The following WAPL variants were observed in gnomAD, a reference collection of about 807,000 sequenced individuals.
WAPL encodes the protein wings apart-like protein homolog.
Under a neutral mutation model 121.0 loss-of-function variants are expected in WAPL, and 5 were observed. The ratio of observed to expected loss-of-function variants is 0.04; its 90% CI spans 0.02 to 0.09. The LOEUF (loss-of-function observed/expected upper bound fraction) is 0.09. Ranked by LOEUF, WAPL falls within the 10% of genes least tolerant of loss-of-function variation. The pLI is 1.00. For missense variants in WAPL, 999 were observed against 1,410.8 expected, an observed-to-expected ratio of 0.71 and a Z score of 4.68; for synonymous variants, 480 against 481.5, an observed-to-expected ratio of 1.00 and a Z score of 0.04.
At chr10:86,461,012 C>T (rs962686075) in intron 10 of WAPL, among the ~76,000 whole-genome samples, 164 bp downstream of exon 10, 2 of 152,088 alleles carry the variant, frequency 1.3e-5, no homozygotes, top group Non-Finnish European at 2.9e-5. Flanking sequence ...CGTGCCCGGC[C>T]GGCCTCTTCT....
chr10:86,453,900 T>C, intron 12 of WAPL, 69 bp from the exon 13 acceptor site: 1 of 1,269,530 alleles, frequency 7.9e-7, no homozygotes, highest in Non-Finnish European at 1.0e-6. Flanking sequence ...TTCTATTTAC[T>C]TGAACCTAAA....
intron 2 of WAPL, among the ~76,000 whole-genome samples, chr10:86,516,263 G>C (rs919931994): frequency 3.3e-5 from 5 of 152,142 alleles, no homozygotes; most frequent in African/African-American, 1.2e-4. Flanking sequence ...AGCCAAATTA[G>C]AATTAACCCT....
In WAPL at chr10:86,521,512, TAGGA is replaced by T. The variant is rs1842677521; in HGVS notation, c.-174_-171del. On this transcript the variant is annotated 5_prime_UTR_variant, in exon 1 of 19. Coordinates refer to ENST00000298767, the MANE Select transcript of WAPL (RefSeq NM_015045.5). ...GGCGAGGGACTCTGCTTTCGGTAAATAGGAAGCCCGGTTGGGGGGGCAGGAGCGG... is the reference window on the plus strand; with the variant it reads ...GGCGAGGGACTCTGCTTTCGGTAAATAGCCCGGTTGGGGGGGCAGGAGCGG... The T allele has an allele frequency of 2.8e-6, 1 of 359,188 alleles. No homozygotes were observed. The highest frequency in any genetic ancestry group is 5.5e-6 in the Non-Finnish European group (1 of 181,868). 22.3% of individuals were successfully genotyped at this position (359,188 alleles called of 1,614,324 possible). A position where few individuals can be genotyped will look rare whatever the true frequency, so the allele number is the denominator to read the frequency against.
At position 86,443,344 on chromosome 10, in the gene WAPL, T is replaced by A; in HGVS notation, c.3342A>T (p.Lys1114Asn). ...AGGCCACAATGCAATCCTCCATGTGTTTGCCGGCATGCTGAAGGGCTGAGA... is the reference window on the plus strand; with the variant it reads ...AGGCCACAATGCAATCCTCCATGTGATTGCCGGCATGCTGAAGGGCTGAGA... ...DLNKALQHAG[K>N]HMEDCIVASY... The change falls in exon 17 of 19, where the codon AAA (lysine) becomes AAT (asparagine). Residue 1114 changes from lysine (K) to asparagine (N), a missense_variant. By Grantham distance (94) the Lys-to-Asn change is moderately conservative. Around this residue, in one of 7 missense-constraint regions of WAPL, gnomAD observed 126 missense variants for 144.0 expected, o/e 0.87. Coordinates refer to ENST00000298767, the MANE Select transcript of WAPL (RefSeq NM_015045.5). 1 of 1,614,060 alleles carries A rather than the reference T, an allele frequency of 6.2e-7. No individual in the cohort carries two copies. The highest frequency in any genetic ancestry group is 1.1e-5 in the South Asian group (1 of 91,056).
At chr10:86,463,024 A>C (rs945370459) in intron 9 of WAPL, among the ~76,000 whole-genome samples, 1 of 152,248 alleles carries the variant, frequency 6.6e-6, no homozygotes, top group Non-Finnish European at 1.5e-5. Context: ...TTTAGGCTAT[A>C]GTCAGTATAC....
At chr10:86,508,342 T>C (rs1345555062) in intron 2 of WAPL, among the ~76,000 whole-genome samples, 1 of 152,176 alleles carries the variant, frequency 6.6e-6, no homozygotes, top group Non-Finnish European at 1.5e-5. Flanking sequence ...TAAGCTCATC[T>C]TTTTACTCAA....
rs138926887 is a variant in WAPL, at chr10:86,516,718, G to A, written c.499+853C>T. ...TACAGAAGACAGAACAAAATATATC[G>A]TTTTAGGAGAGAATACTAGATGCTA... On this transcript the variant is annotated intron_variant, in intron 2 of 18. Coordinates refer to ENST00000298767, the MANE Select transcript of WAPL (RefSeq NM_015045.5). 3.4e-3 allele frequency among the ~76,000 whole-genome samples: 511 copies of A among 151,936 alleles called. 2 individuals carry two copies. The highest frequency in any genetic ancestry group is 0.012 in the African/African-American group (487 of 41,402).
chr10:86,478,353 G>A (rs191016753), intron 4 of WAPL, among the ~76,000 whole-genome samples: 15 of 151,850 alleles, frequency 9.9e-5, no homozygotes, highest in Middle Eastern at 3.4e-3. Flanking sequence ...CACCTCCTGA[G>A]TCCAGGAAGT....
At chr10:86,449,676 T>C (rs1404293791) in intron 15 of WAPL, among the ~76,000 whole-genome samples, 1 of 152,236 alleles carries the variant, frequency 6.6e-6, no homozygotes, top group Non-Finnish European at 1.5e-5. Context: ...TGCAGATCTA[T>C]CATCTGTGCC....
intron 16 of WAPL, among the ~76,000 whole-genome samples, chr10:86,445,026 A>C (rs1849571783): frequency 6.6e-6 from 1 of 152,128 alleles, no homozygotes; most frequent in Non-Finnish European, 1.5e-5. Context: ...AAAGGCTCAG[A>C]ACGAGACGTT....
chr10:86,500,700 G>T lies in WAPL; in HGVS notation c.543C>A (p.His181Gln). The change falls in exon 3 of 19, where the codon CAC becomes CAA. Residue 181 changes from histidine (H) to glutamine (Q), a missense_variant. His to Gln is a conservative substitution (Grantham distance 24). This residue lies in a region of WAPL where 531 missense variants were observed against 563.1 expected (regional missense o/e 0.94). Transcript: ENST00000298767. ...TGTCATCAGCATTTTTGTGAATATG[G>T]TGACTATTCTTTTCATGTTCTTCAT... ...NFHEEHEKNS[H>Q]HIHKNADDST... 2.5e-6 allele frequency: 4 copies of T among 1,585,980 alleles called. No homozygotes were observed. The highest frequency in any genetic ancestry group is 1.7e-4 in the Middle Eastern group (1 of 5,932).
chr10:86,461,065 T>C (rs1841260665), intron 10 of WAPL, 111 bp downstream of exon 10: 1 of 885,014 alleles, frequency 1.1e-6, no homozygotes. Flanking sequence ...AAAATAATAA[T>C]GATAATAGAC....
rs557388827 is a variant in WAPL at position 86,435,392 on chromosome 10, A to G, written c.*2151T>C. 2 of 152,768 alleles carry G rather than the reference A, an allele frequency of 1.3e-5. No individual in the cohort carries two copies. The highest frequency in any genetic ancestry group is 4.1e-4 in the South Asian group (2 of 4,830). The allele number at this position is 152,768 out of a possible 1,614,324, so 9.5% of individuals were successfully genotyped here. A position where few individuals can be genotyped will look rare whatever the true frequency, so the allele number is the denominator to read the frequency against. On this transcript the variant is annotated 3_prime_UTR_variant, in exon 19 of 19. Transcript: ENST00000298767. Reference sequence around the variant, plus strand: ...AGATCACAGCTGAGAAATACTGTATAAAATAAAAATAGGATTGGATTCAGA... The same window carrying G: ...AGATCACAGCTGAGAAATACTGTATGAAATAAAAATAGGATTGGATTCAGA...
chr10:86,507,242 C>A (rs1842369326), intron 2 of WAPL, among the ~76,000 whole-genome samples: 1 of 151,048 alleles, frequency 6.6e-6, no homozygotes, highest in South Asian at 2.1e-4. Context: ...GTGACAGGCG[C>A]CTATAATCCC....
chr10:86,491,163 G>A lies in WAPL; in HGVS notation c.1644+6038C>T, dbSNP rs574968040. ...TTTTTTTTTTTTTTTTTTTTAAGAC[G>A]GAGTCTCGCTCTGTTGCCCAGGCTG... is the stretch of plus-strand genomic sequence containing the variant. On this transcript the variant is annotated intron_variant, in intron 4 of 18. Transcript: ENST00000298767. 6.1e-5 allele frequency among the ~76,000 whole-genome samples: 8 copies of A among 131,548 alleles called. No individual in the cohort carries two copies. The East Asian group carries it at 1.1e-3, about 19-fold the overall frequency. 86.3% of individuals were successfully genotyped at this position (131,548 alleles called of 152,430 possible).
intron 12 of WAPL, 24 bp from the exon 13 acceptor site, chr10:86,453,855 C>G (rs749350178): frequency 1.3e-6 from 2 of 1,491,584 alleles, no homozygotes; most frequent in Non-Finnish European, 1.8e-6. Flanking sequence ...AAAATATAGA[C>G]TATTATAGTA....
chr10:86,498,055 G>A (rs1332672485), intron 3 of WAPL, among the ~76,000 whole-genome samples: 2 of 152,096 alleles, frequency 1.3e-5, no homozygotes, highest in Non-Finnish European at 2.9e-5. Context: ...TCAACCAAAT[G>A]GCCTCTAATT....
Position 86,469,120 on chromosome 10 carries a change from TA to T in WAPL, c.2143-1615del, listed in dbSNP as rs1433424873. Among the ~76,000 whole-genome samples, 6 of 151,310 alleles carry T rather than the reference TA, an allele frequency of 4.0e-5. No homozygotes were observed. The East Asian group carries it at 1.2e-3, about 30-fold the overall frequency. On this transcript the variant is annotated intron_variant, in intron 8 of 18. Transcript: ENST00000298767. ...CTCTCTCAAAATAAATAAAATAAAA[TA>T]AAATAAAATACAAAAATTAGCCTGG... is the stretch of plus-strand genomic sequence containing the variant.
chr10:86,454,610 TG>T (rs1564565595), intron 12 of WAPL, among the ~76,000 whole-genome samples: 1 of 152,220 alleles, frequency 6.6e-6, no homozygotes, highest in Non-Finnish European at 1.5e-5. Context: ...CCGCCTGCCT[TG>T]GCCTCCCAAA....
Sources: allele counts gnomAD v4.1 joint callset (sites outside exome capture counted in the v4.1 genomes callset), GRCh38; gene constraint gnomAD v4.1.1; regional missense constraint gnomAD v4.1.1; transcripts MANE v1.5; gene names NCBI Gene and HGNC (gene_info 2026-07-23, HGNC 2026-07-21).